Variants in SULT2B1 observed in about 807,000 individuals in gnomAD.
The protein encoded by SULT2B1 is sulfotransferase family 2B member 1.
SULT2B1 carries 16 observed loss-of-function variants against 33.2 expected under a neutral mutation model. The observed-to-expected ratio is 0.48, with a 90% CI of 0.33 to 0.73. The LOEUF is 0.73. SULT2B1 is among the 30% of genes least tolerant of loss of function. The pLI, the probability that SULT2B1 is intolerant of heterozygous loss-of-function variation, is 0.02. For missense variants in SULT2B1, 500 were observed against 506.0 expected (o/e 0.99, Z 0.11); for synonymous variants, 186 against 200.5 (o/e 0.93, Z 0.61).
chr19:48,556,794 T>TA (rs370251207), intron 1 of SULT2B1, among the ~76,000 whole-genome samples: 3,367 of 146,584 alleles, frequency 0.023, 123 homozygotes, highest in African/African-American at 0.081. Flanking sequence ...GTACTAAAAA[T>TA]AAAAAAATTA....
Position 48,591,831 on chromosome 19 carries a change from G to A in SULT2B1, c.550+96G>A, listed in dbSNP as rs1973647503. The A allele has an allele frequency of 6.4e-6, 9 of 1,399,726 alleles. No homozygotes were observed. In the East Asian group the frequency reaches 2.1e-4, roughly 32 times the overall value. 86.7% of individuals were successfully genotyped at this position (1,399,726 alleles called of 1,614,324 possible). A position where few individuals can be genotyped will look rare whatever the true frequency, so the allele number is the denominator to read the frequency against. On this transcript the variant is annotated intron_variant, in intron 4 of 6. Transcript: ENST00000201586. ...AGAGGAGGGGTAAGAAAGGGAGAGA[G>A]ACAGAGACACAGGGCATCAAAAGGG...
intron 2 of SULT2B1, among the ~76,000 whole-genome samples, chr19:48,580,784 G>T (rs1204476794): frequency 6.6e-6 from 1 of 151,284 alleles, no homozygotes; most frequent in Non-Finnish European, 1.5e-5. Flanking sequence ...ACCACACCCA[G>T]CTAATTTTTG....
intron 2 of SULT2B1, 60 bp downstream of exon 2, chr19:48,576,143 G>T (rs935247427): frequency 1.4e-6 from 2 of 1,428,312 alleles, no homozygotes; most frequent in South Asian, 2.4e-5. Flanking sequence ...TGCGGCAGAG[G>T]ACAGGAAAGG....
At chr19:48,568,684 T>C (rs1056464936) in intron 1 of SULT2B1, among the ~76,000 whole-genome samples, 2 of 152,114 alleles carry the variant, frequency 1.3e-5, no homozygotes, top group Non-Finnish European at 2.9e-5. Context: ...TGAACCCAGC[T>C]CAGGCTGGTG....
chr19:48,589,360 G>A (rs1973613290), intron 3 of SULT2B1, among the ~76,000 whole-genome samples: 1 of 152,144 alleles, frequency 6.6e-6, no homozygotes, highest in East Asian at 1.9e-4. Context: ...GCTCTGCGGC[G>A]GCCCATCCCA....
chr19:48,596,540 C>A (rs528644757), intron 5 of SULT2B1, 199 bp from the exon 6 acceptor site: 4 of 573,206 alleles, frequency 7.0e-6, no homozygotes, highest in Middle Eastern at 4.7e-4. Context: ...ACCTAGAGAA[C>A]CCTCCAAAGA....
At chr19:48,571,661 T>C (rs1973330866) in intron 1 of SULT2B1, among the ~76,000 whole-genome samples, 1 of 150,938 alleles carries the variant, frequency 6.6e-6, no homozygotes, top group African/African-American at 2.4e-5. Flanking sequence ...CCAGATTTTT[T>C]TAAATTCCCA....
intron 1 of SULT2B1, among the ~76,000 whole-genome samples, chr19:48,563,490 G>A (rs1025516719): frequency 7.2e-5 from 11 of 152,146 alleles, no homozygotes; most frequent in African/African-American, 2.7e-4. Context: ...AAGCTCTAAT[G>A]TATACACAGA....
intron 5 of SULT2B1, 42 bp from the exon 6 acceptor site, chr19:48,596,697 C>A: frequency 1.3e-6 from 2 of 1,533,032 alleles, no homozygotes; most frequent in Non-Finnish European, 1.7e-6. Flanking sequence ...CCTTCCTTGG[C>A]CGAGTGCCCT....
At chr19:48,580,471 G>A (rs1373315808) in intron 2 of SULT2B1, among the ~76,000 whole-genome samples, 2 of 152,038 alleles carry the variant, frequency 1.3e-5, no homozygotes, top group Non-Finnish European at 2.9e-5. Flanking sequence ...TGTTGGCCAG[G>A]CTGGTTTCAA....
Position 48,592,809 on chromosome 19 carries a change from T to C in SULT2B1, c.638T>C (p.Leu213Pro). The C allele has an allele frequency of 6.4e-7, 1 of 1,565,144 alleles. No homozygotes were observed. Among genetic ancestry groups the C allele is most frequent in the East Asian group, 2.3e-5 (1 of 42,788 alleles). The change falls in exon 5 of 7, where the codon CTG becomes CCG. Residue 213 changes from leucine to proline, a missense_variant. Leu to Pro is a moderately conservative substitution (Grantham distance 98). Transcript: ENST00000201586. The stretch of plus-strand genomic sequence containing the variant: ...TTCCTATTTATCACCTACGAGGAGC[T>C]GCAGCAGGTGAGTCCCCACCTCCTC... ...DNFLFITYEE[L>P]QQDLQGSVER... is the part of the protein sequence containing the mutation.
intron 1 of SULT2B1, among the ~76,000 whole-genome samples, chr19:48,558,423 G>A (rs767068228): frequency 2.2e-4 from 33 of 152,158 alleles, no homozygotes; most frequent in Non-Finnish European, 3.7e-4. Context: ...AAGCCACGCC[G>A]GCCTTTGGAC....
chr19:48,595,783 C>A (rs1359420689), intron 5 of SULT2B1: 1 of 151,648 alleles, frequency 6.6e-6, no homozygotes, highest in Non-Finnish European at 1.5e-5. Flanking sequence ...TCTCCTGCCT[C>A]AGTCTCCCGA....
intron 1 of SULT2B1, among the ~76,000 whole-genome samples, chr19:48,554,253 A>T (rs1463053560): frequency 8.2e-6 from 1 of 122,234 alleles, no homozygotes; most frequent in East Asian, 2.4e-4. Context: ...CCTGGGGCCC[A>T]CTTCCTTCGG....
intron 1 of SULT2B1, chr19:48,575,629 C>A (rs949293492): frequency 3.7e-5 from 8 of 214,028 alleles, no homozygotes; most frequent in African/African-American, 1.4e-4. Flanking sequence ...TACAGGCATG[C>A]GCCACCACGC....
chr19:48,556,652 T>A (rs1324186043), intron 1 of SULT2B1, among the ~76,000 whole-genome samples: 21 of 141,484 alleles, frequency 1.5e-4, no homozygotes, highest in African/African-American at 3.9e-4. Flanking sequence ...ATATGTGATT[T>A]AAAAAAAAAA....
At chr19:48,582,317 T>C (rs376932578) in intron 2 of SULT2B1, among the ~76,000 whole-genome samples, 31 of 152,318 alleles carry the variant, frequency 2.0e-4, no homozygotes, top group African/African-American at 6.7e-4. Flanking sequence ...TTTCATAACA[T>C]AGGATATACA....
chr19:48,597,413 G>A (rs1411579109), intron 6 of SULT2B1, among the ~76,000 whole-genome samples: 2 of 147,856 alleles, frequency 1.4e-5, no homozygotes, highest in African/African-American at 2.5e-5. Flanking sequence ...GCGCGATCTC[G>A]GCTCACTGCG....
chr19:48,580,895 C>CCTGGCCAGTTT (rs1203244788), intron 2 of SULT2B1, among the ~76,000 whole-genome samples: 1 of 151,968 alleles, frequency 6.6e-6, no homozygotes, highest in Non-Finnish European at 1.5e-5. Flanking sequence ...AGCCACTGTG[C>CCTGGCCAGTTT]CTGGCCAGTT....
Sources: allele counts gnomAD v4.1 joint callset (sites outside exome capture counted in the v4.1 genomes callset), GRCh38; gene constraint gnomAD v4.1.1; transcripts MANE v1.5; gene names NCBI Gene and HGNC (gene_info 2026-07-23, HGNC 2026-07-21).